Variants in FAM107A observed in about 807,000 individuals in gnomAD.
FAM107A encodes actin-associated protein FAM107A.
FAM107A carries 19 observed loss-of-function variants against 13.7 expected under a neutral mutation model. The observed-to-expected ratio is 1.38, with a 90% CI of 0.97 to 2.03. The LOEUF is 2.03. Ranked by LOEUF, FAM107A falls within the 30% of genes most tolerant of loss-of-function variation. The pLI, the probability that FAM107A is intolerant of heterozygous loss-of-function variation, is 0.00. For missense variants in FAM107A, 203 were observed against 184.4 expected, an observed-to-expected ratio of 1.10 and a Z score of -0.58; for synonymous variants, 82 against 74.5, an observed-to-expected ratio of 1.10 and a Z score of -0.52.
At chr3:58,605,714 C>T (rs1423933918) in intron 1 of FAM107A, among the ~76,000 whole-genome samples, 2 of 152,166 alleles carry the variant, frequency 1.3e-5, no homozygotes, top group East Asian at 1.9e-4. Flanking sequence ...AAGTCCAACT[C>T]GTAGTGAGAC....
intron 1 of FAM107A, among the ~76,000 whole-genome samples, chr3:58,596,298 G>A (rs1410075078): frequency 2.0e-5 from 3 of 152,176 alleles, no homozygotes; most frequent in Admixed American, 2.0e-4. Flanking sequence ...GACCAACCAT[G>A]GGCCCAATCC....
At chr3:58,618,713 C>T (rs1343790513) in intron 1 of FAM107A, among the ~76,000 whole-genome samples, 4 of 152,318 alleles carry the variant, frequency 2.6e-5, no homozygotes, top group Admixed American at 2.0e-4. Flanking sequence ...TCTTGGGCCC[C>T]CTGTGACCTC....
chr3:58,590,654 C>T (rs1466427895), upstream of FAM107A, among the ~76,000 whole-genome samples: 1 of 152,180 alleles, frequency 6.6e-6, no homozygotes, highest in Non-Finnish European at 1.5e-5. Flanking sequence ...AGAGAGAGTG[C>T]ACGCAAGGAA....
intron 1 of FAM107A, among the ~76,000 whole-genome samples, chr3:58,623,688 C>G (rs994103198): frequency 1.3e-5 from 2 of 152,212 alleles, no homozygotes; most frequent in African/African-American, 4.8e-5. Context: ...AGGCCAGGCT[C>G]TTAGGGCAGC....
chr3:58,601,669 A>G (rs1165533476), intron 1 of FAM107A, among the ~76,000 whole-genome samples: 1 of 152,090 alleles, frequency 6.6e-6, no homozygotes, highest in Non-Finnish European at 1.5e-5. Context: ...TACCATTGGG[A>G]TTTCTAGGTC....
rs561625094 is a variant in FAM107A, at chr3:58,617,094, T to C, written c.-70+10322A>G. Among the ~76,000 whole-genome samples, 10 of 151,886 alleles carry C rather than the reference T, an allele frequency of 6.6e-5. No homozygotes were observed. The South Asian group carries it at 1.9e-3, about 29-fold the overall frequency. On this transcript the variant is annotated intron_variant, in intron 1 of 3. Transcript: ENST00000465970. The surrounding 1 kb of genome is among the most constrained non-coding windows in gnomAD (Gnocchi z 4.5). ...GCCTCGGCTACCCAGTTTCTGATCG[T>C]TTGTTATGGCCGCCCCAGGAAACTC...
intron 1 of FAM107A, among the ~76,000 whole-genome samples, chr3:58,576,505 A>G (rs1322394495): frequency 6.6e-6 from 1 of 152,196 alleles, no homozygotes; most frequent in Non-Finnish European, 1.5e-5. Context: ...GCAGGTACTC[A>G]CCACCAACAG....
intron 1 of FAM107A, chr3:58,572,899 T>G (rs2063698269): frequency 6.6e-6 from 1 of 152,216 alleles, no homozygotes; most frequent in East Asian, 1.9e-4. Flanking sequence ...GACCTTCTGT[T>G]GTTGTTGTCT....
At chr3:58,580,181 C>G (rs902502141), upstream of FAM107A, among the ~76,000 whole-genome samples, 36 of 151,954 alleles carry the variant, frequency 2.4e-4, no homozygotes, top group Admixed American at 3.9e-4. Flanking sequence ...AAAAAGATGT[C>G]TTCTACATAT....
At chr3:58,626,494 T>C (rs1458025076) in intron 1 of FAM107A, among the ~76,000 whole-genome samples, 2 of 152,196 alleles carry the variant, frequency 1.3e-5, no homozygotes, top group Admixed American at 1.3e-4. Flanking sequence ...CACAATGATT[T>C]TCCAAGGTAG....
At chr3:58,571,076 C>T (rs909846630) in intron 1 of FAM107A, among the ~76,000 whole-genome samples, 1 of 152,156 alleles carries the variant, frequency 6.6e-6, no homozygotes, top group African/African-American at 2.4e-5. Flanking sequence ...CATGGATGAA[C>T]AGGGATGTGT....
At chr3:58,586,139 C>T (rs147637224) in intron 1 of FAM107A, among the ~76,000 whole-genome samples, 254 of 152,354 alleles carry the variant, frequency 1.7e-3, no homozygotes, top group African/African-American at 5.8e-3. Flanking sequence ...TTCAACCGCG[C>T]TGCCGGGCTC....
chr3:58,567,148 C>T (rs1351681605), intron 3 of FAM107A, 60 bp downstream of exon 3: 1 of 1,588,622 alleles, frequency 6.3e-7, no homozygotes, highest in African/African-American at 1.3e-5. Context: ...CACAGCAGAG[C>T]TCCTCCCTGG....
rs1035116225 is a variant in FAM107A at position 58,617,051 on chromosome 3, C to T, written c.-70+10365G>A. 4.6e-5 allele frequency among the ~76,000 whole-genome samples: 7 copies of T among 152,166 alleles called. No homozygotes were observed. Among genetic ancestry groups the T allele is most frequent in the African/African-American group, 1.2e-4 (5 of 41,438 alleles). ...CCTCCCAAAGTGCTGGGATTACAGG[C>T]GTGAGCCACCGCGCCTGGCCTCGGC... On this transcript the variant is annotated intron_variant, in intron 1 of 3. Coordinates refer to the FAM107A transcript ENST00000465970. This position sits in a 1 kb window ranked among gnomAD's most constrained non-coding sequence, Gnocchi z 4.5.
intron 1 of FAM107A, among the ~76,000 whole-genome samples, chr3:58,609,524 T>C (rs2065832746): frequency 6.6e-6 from 1 of 152,238 alleles, no homozygotes; most frequent in Admixed American, 6.5e-5. Context: ...CCTGAGCTGC[T>C]ATGCTCTAAA....
intron 1 of FAM107A, among the ~76,000 whole-genome samples, chr3:58,615,951 G>A (rs1442238993): frequency 6.7e-6 from 1 of 150,232 alleles, no homozygotes; most frequent in Non-Finnish European, 1.5e-5. Flanking sequence ...AAACCAGAAG[G>A]AGTCAATCAT....
In FAM107A at chr3:58,566,614, G is replaced by C; in HGVS notation, c.409C>G (p.Leu137Val). Residue 137 changes from leucine to valine, a missense_variant, in exon 4 of 4, where the codon CTG (leucine) becomes GTG (valine). Coordinates refer to ENST00000360997, the MANE Select transcript of FAM107A (RefSeq NM_001076778.3). ...TACAGCTCTCTCTCTTCGCTGGTCA[G>C]TGTGGCAATTCTCCGCAGGTTTTCC... Reference protein sequence around the residue: ...VRENLRRIATLTSEEREL With the variant: ...VRENLRRIATVTSEEREL The C allele has an allele frequency of 6.2e-7, 1 of 1,613,746 alleles. No homozygotes were observed. Among genetic ancestry groups the C allele is most frequent in the Non-Finnish European group, 8.5e-7 (1 of 1,179,774 alleles).
chr3:58,583,705 C>T (rs566214402), intron 1 of FAM107A, among the ~76,000 whole-genome samples: 10 of 151,376 alleles, frequency 6.6e-5, no homozygotes, highest in African/African-American at 1.5e-4. Flanking sequence ...GGGGGGGACA[C>T]GGTCTTGCTC....
upstream of FAM107A, chr3:58,577,612 T>A: frequency 1.0e-6 from 1 of 985,434 alleles, no homozygotes; most frequent in East Asian, 1.1e-4. The surrounding 1 kb of genome is among the most constrained non-coding windows in gnomAD (Gnocchi z 4.9). Flanking sequence ...ATACCCATTT[T>A]GTCAGATTGA....
Sources: gnomAD v4.1 joint callset for allele counts (sites outside exome capture counted in the v4.1 genomes callset) on GRCh38, gnomAD v4.1.1 for gene constraint, Gnocchi (gnomAD v3.1) non-coding constraint, MANE v1.5 for transcripts, NCBI Gene and HGNC (gene_info 2026-07-23, HGNC 2026-07-21) for gene names.